NAALADL2: variants seen among roughly 807,000 people sequenced by gnomAD.
NAALADL2 encodes the protein N-acetylated alpha-linked acidic dipeptidase like 2, also known as inactive N-acetylated-alpha-linked acidic dipeptidase-like protein 2.
In NAALADL2, 76 loss-of-function variants were observed where a neutral mutation model predicts 87.2. The observed-to-expected ratio is 0.87, with a 90% confidence interval of 0.72 to 1.05. The LOEUF is 1.05. NAALADL2 is among the 50% of genes least tolerant of loss of function. The pLI is 0.00. For missense variants in NAALADL2, 1,089 were observed against 945.8 expected, an observed-to-expected ratio of 1.15 and a Z score of -1.99; for synonymous variants, 354 against 331.0, an observed-to-expected ratio of 1.07 and a Z score of -0.75.
chr3:175,646,016 A>C (rs2030002885), intron 11 of NAALADL2, among the ~76,000 whole-genome samples: 1 of 152,132 alleles, frequency 6.6e-6, no homozygotes, highest in African/African-American at 2.4e-5. Flanking sequence ...ATCCAGTATA[A>C]AATAAGTAGT....
At chr3:175,078,744 A>C (rs1335894675) in intron 1 of NAALADL2, among the ~76,000 whole-genome samples, 2 of 152,178 alleles carry the variant, frequency 1.3e-5, no homozygotes, top group African/African-American at 2.4e-5. Flanking sequence ...AGATTCATCC[A>C]TTTTTTACTA....
At chr3:175,507,055 A>G (rs1730431965) in intron 9 of NAALADL2, among the ~76,000 whole-genome samples, 1 of 151,630 alleles carries the variant, frequency 6.6e-6, no homozygotes, top group South Asian at 2.1e-4. Flanking sequence ...TCTCATCACT[A>G]GCTCTTTCCT....
At chr3:175,059,847 A>G (rs754418782) in intron 1 of NAALADL2, 5 of 315,678 alleles carry the variant, frequency 1.6e-5, no homozygotes, top group Non-Finnish European at 2.6e-5. Context: ...TCTTTTCATG[A>G]GAATTGATGT....
At chr3:174,751,437 T>G (rs1041186866) in intron 3 of NAALADL2, among the ~76,000 whole-genome samples, 1 of 151,946 alleles carries the variant, frequency 6.6e-6, no homozygotes, top group Non-Finnish European at 1.5e-5. Context: ...CCAAGGCGGG[T>G]GGATTACCTG....
intron 1 of NAALADL2, among the ~76,000 whole-genome samples, chr3:175,063,260 G>A (rs945012674): frequency 1.4e-4 from 21 of 152,066 alleles, no homozygotes; most frequent in East Asian, 3.9e-4. Context: ...CATTTTTATC[G>A]CTTGTTAGTT....
intron 11 of NAALADL2, among the ~76,000 whole-genome samples, chr3:175,691,003 C>G (rs1736961733): frequency 7.1e-6 from 1 of 140,070 alleles, no homozygotes; most frequent in Admixed American, 6.7e-5. Flanking sequence ...CACAAGTTGC[C>G]TATGAAATAT....
At chr3:174,723,755 CAAAAAAAAAAAAAA>C (rs10663395) in intron 2 of NAALADL2, among the ~76,000 whole-genome samples, 5 of 27,562 alleles carry the variant, frequency 1.8e-4, no homozygotes, top group South Asian at 2.4e-3. Context: ...GACTCCGTCT[CAAAAAAAAAAAAAA>C]AAAAAAAAAA....
intron 2 of NAALADL2, among the ~76,000 whole-genome samples, chr3:174,578,130 C>G (rs1715748746): frequency 6.6e-6 from 1 of 151,882 alleles, no homozygotes; most frequent in Non-Finnish European, 1.5e-5. Context: ...TTATCACTGA[C>G]CTGTGGAACA....
At chr3:175,459,051 C>T (rs1304873866) in intron 6 of NAALADL2, among the ~76,000 whole-genome samples, 1 of 152,024 alleles carries the variant, frequency 6.6e-6, no homozygotes, top group African/African-American at 2.4e-5. Context: ...TCCTTGGGCC[C>T]TGATATACCA....
chr3:175,001,899 A>G (rs1206057913), intron 1 of NAALADL2, among the ~76,000 whole-genome samples: 2 of 152,162 alleles, frequency 1.3e-5, no homozygotes, highest in Non-Finnish European at 2.9e-5. Flanking sequence ...GTCAAAACAC[A>G]TGCCTACAAC....
intron 1 of NAALADL2, among the ~76,000 whole-genome samples, chr3:174,872,257 C>G (rs1386801525): frequency 6.6e-6 from 1 of 152,112 alleles, no homozygotes; most frequent in African/African-American, 2.4e-5. Context: ...CTTACAAACA[C>G]TTTACAGATA....
At chr3:175,444,098 T>C (rs1310506327) in intron 5 of NAALADL2, among the ~76,000 whole-genome samples, 1 of 152,110 alleles carries the variant, frequency 6.6e-6, no homozygotes, top group Admixed American at 6.6e-5. Context: ...TAGGAAGTAA[T>C]ATTGAAGTAT....
At chr3:175,168,008 A>G (rs1734232527) in intron 2 of NAALADL2, among the ~76,000 whole-genome samples, 1 of 151,834 alleles carries the variant, frequency 6.6e-6, no homozygotes, top group Non-Finnish European at 1.5e-5. Flanking sequence ...ACTAGCTACT[A>G]TGGTAGTGAA....
At chr3:175,045,444 T>C (rs28469884) in intron 1 of NAALADL2, among the ~76,000 whole-genome samples, 3,688 of 152,282 alleles carry the variant, frequency 0.024, 168 homozygotes, top group African/African-American at 0.084. Flanking sequence ...TCCTTGACTG[T>C]TTATCCTCTA....
intron 1 of NAALADL2, among the ~76,000 whole-genome samples, chr3:175,054,142 A>G (rs1187462214): frequency 6.6e-6 from 1 of 152,234 alleles, no homozygotes. Flanking sequence ...AGCAGCCAAT[A>G]CCTCAATTAC....
intron 9 of NAALADL2, among the ~76,000 whole-genome samples, chr3:175,572,335 A>G (rs941901347): frequency 6.6e-6 from 1 of 151,422 alleles, no homozygotes; most frequent in Non-Finnish European, 1.5e-5. Context: ...AGTTTAATAG[A>G]TCTTAACCCT....
chr3:174,830,720 T>C (rs1402960786), intron 3 of NAALADL2, among the ~76,000 whole-genome samples: 4 of 152,142 alleles, frequency 2.6e-5, no homozygotes, highest in Non-Finnish European at 5.9e-5. Context: ...TTCACGATAT[T>C]GATTCTTCCT....
intron 3 of NAALADL2, among the ~76,000 whole-genome samples, chr3:174,802,900 G>T (rs751782168): frequency 1.3e-5 from 2 of 152,122 alleles, no homozygotes; most frequent in Non-Finnish European, 2.9e-5. Flanking sequence ...CATTTGGGTT[G>T]GTTCCAAGTC....
intron 2 of NAALADL2, among the ~76,000 whole-genome samples, chr3:174,613,393 T>C (rs1450840962): frequency 1.3e-5 from 2 of 152,188 alleles, no homozygotes; most frequent in Non-Finnish European, 2.9e-5. Context: ...CCAGCTGGGT[T>C]CACAGATGCT....
Sources: allele counts gnomAD v4.1 joint callset (sites outside exome capture counted in the v4.1 genomes callset), GRCh38; gene constraint gnomAD v4.1.1; transcripts MANE v1.5; gene names NCBI Gene and HGNC (gene_info 2026-07-23, HGNC 2026-07-21).